Variants in AFAP1 observed in about 807,000 individuals in gnomAD.
The protein encoded by AFAP1 is actin filament-associated protein 1.
Under a neutral mutation model 93.9 loss-of-function variants are expected in AFAP1, and 75 were observed. The observed-to-expected ratio is 0.80, with a 90% CI of 0.66 to 0.97. AFAP1 has a LOEUF of 0.97. AFAP1 is among the 50% of genes least tolerant of loss of function. AFAP1 has a pLI of 0.00. For missense variants in AFAP1, 1,201 were observed against 1,050.8 expected (o/e 1.14, Z -1.98); for synonymous variants, 517 against 430.7 (o/e 1.20, Z -2.48).
Position 7,800,564 on chromosome 4 carries a change from C to T in AFAP1, c.1144G>A (p.Asp382Asn). Residue 382 changes from aspartate to asparagine, a missense_variant, in exon 10 of 18, where the codon GAC becomes AAC. Coordinates refer to ENST00000420658, the MANE Select transcript of AFAP1 (RefSeq NM_001134647.2). ...ATAGACACAATATGGGTCTTCAGGT[C>T]GGTCCTGTCCTTGTGGAAAATGAGC... ...NKLIFHKDRT[D>N]LKTHIVSIPL... The T allele has an allele frequency of 2.5e-6, 4 of 1,614,202 alleles. No individual in the cohort carries two copies. The highest frequency in any genetic ancestry group is 1.7e-5 in the Admixed American group (1 of 60,024).
chr4:7,816,155 G>C (rs1441722330), intron 7 of AFAP1, 56 bp from the exon 8 acceptor site: 1 of 1,448,270 alleles, frequency 6.9e-7, no homozygotes, highest in Non-Finnish European at 9.5e-7. Flanking sequence ...ACCCAGTGAT[G>C]TGTGATGGAT....
intron 3 of AFAP1, among the ~76,000 whole-genome samples, chr4:7,857,142 T>C (rs1449504987): frequency 6.6e-6 from 1 of 152,188 alleles, no homozygotes; most frequent in Non-Finnish European, 1.5e-5. Context: ...AAGAGGTATG[T>C]TCACAAGGAA....
chr4:7,820,842 G>A (rs549897235), intron 6 of AFAP1, among the ~76,000 whole-genome samples: 1 of 152,180 alleles, frequency 6.6e-6, no homozygotes, highest in African/African-American at 2.4e-5. Context: ...TACCAGGCCA[G>A]GCGCAGTGGC....
intron 12 of AFAP1, among the ~76,000 whole-genome samples, chr4:7,785,160 G>A (rs980969535): frequency 2.0e-5 from 3 of 152,150 alleles, no homozygotes; most frequent in African/African-American, 7.2e-5. Flanking sequence ...CACCGTGCCT[G>A]GATCAGGCAG....
In AFAP1 at chr4:7,809,768, CAA is replaced by C; in HGVS notation, c.905-7_905-6del. On this transcript the variant is annotated splice_region_variant and splice_polypyrimidine_tract_variant and intron_variant, in intron 8 of 17. Coordinates refer to ENST00000420658, the MANE Select transcript of AFAP1 (RefSeq NM_001134647.2). ...TGGAACTTTTCTTCCTCTTCACTGT[CAA>C]GAGTAACAACAGCAAAAAAGCATGT... The C allele has an allele frequency of 7.5e-6, 12 of 1,608,250 alleles. No individual in the cohort carries two copies. The highest frequency in any genetic ancestry group is 1.0e-5 in the Non-Finnish European group (12 of 1,178,234).
chr4:7,938,267 G>C (rs922147943), intron 1 of AFAP1, among the ~76,000 whole-genome samples: 3 of 152,168 alleles, frequency 2.0e-5, no homozygotes, highest in Non-Finnish European at 4.4e-5. Flanking sequence ...GCTCAGTTTT[G>C]TCTTGTATGC....
chr4:7,929,964 A>G (rs893856954), intron 1 of AFAP1, among the ~76,000 whole-genome samples: 1 of 152,222 alleles, frequency 6.6e-6, no homozygotes, highest in South Asian at 2.1e-4. Context: ...TAAAGAGGCC[A>G]TGTATGCAGC....
intron 16 of AFAP1, among the ~76,000 whole-genome samples, chr4:7,771,164 G>A (rs1164876569): frequency 6.6e-6 from 1 of 152,242 alleles, no homozygotes; most frequent in Non-Finnish European, 1.5e-5. Flanking sequence ...CCATGAAACA[G>A]GGATTCTCAC....
chr4:7,899,321 G>T (rs1577344882), intron 1 of AFAP1, among the ~76,000 whole-genome samples: 1 of 152,158 alleles, frequency 6.6e-6, no homozygotes, highest in African/African-American at 2.4e-5. Context: ...CTGGAGCCTA[G>T]CAAGTTCCTA....
At chr4:7,804,374 T>C (rs1460392217) in intron 9 of AFAP1, among the ~76,000 whole-genome samples, 1 of 152,236 alleles carries the variant, frequency 6.6e-6, no homozygotes, top group Non-Finnish European at 1.5e-5. Context: ...GGTAGGGTGT[T>C]ACTGAATTTT....
chr4:7,852,314 C>CT (rs1453640312), intron 4 of AFAP1, among the ~76,000 whole-genome samples: 7 of 152,142 alleles, frequency 4.6e-5, no homozygotes, highest in African/African-American at 1.7e-4. Flanking sequence ...CTGCACTGGT[C>CT]TAAGGGCAAG....
At chr4:7,909,737 A>C (rs866294828) in intron 1 of AFAP1, among the ~76,000 whole-genome samples, 1 of 152,168 alleles carries the variant, frequency 6.6e-6, no homozygotes, top group Non-Finnish European at 1.5e-5. Flanking sequence ...TTTTTACTGT[A>C]TATCAGAACC....
In AFAP1 at chr4:7,778,896, A is replaced by G. The variant is rs2148978343; in HGVS notation, c.1783-20T>C. ...CTTGAGCTGTTGAAATAAACATATA[A>G]GAACATTAAAAATAAACACAAAGTC... On this transcript the variant is annotated intron_variant, in intron 13 of 17. Transcript: ENST00000420658. 6.6e-7 allele frequency: 1 copy of G among 1,513,530 alleles called. No individual in the cohort carries two copies. The highest frequency in any genetic ancestry group is 2.3e-5 in the East Asian group (1 of 44,238). 93.8% of individuals were successfully genotyped at this position (1,513,530 alleles called of 1,614,324 possible).
intron 1 of AFAP1, among the ~76,000 whole-genome samples, chr4:7,906,517 T>C (rs1004518761): frequency 3.9e-5 from 6 of 152,190 alleles, no homozygotes; most frequent in Non-Finnish European, 7.3e-5. Context: ...AACCGCAGTA[T>C]CTAGGCTTCG....
chr4:7,796,741 A>C (rs1055228095), intron 10 of AFAP1, among the ~76,000 whole-genome samples: 2 of 130,570 alleles, frequency 1.5e-5, no homozygotes, highest in African/African-American at 5.8e-5. Flanking sequence ...ACAGAGTGAG[A>C]CTTGTCTCAA....
intron 8 of AFAP1, among the ~76,000 whole-genome samples, 179 bp downstream of exon 8, chr4:7,815,839 T>C (rs1720420283): frequency 6.6e-6 from 1 of 152,186 alleles, no homozygotes; most frequent in African/African-American, 2.4e-5. Flanking sequence ...GCAGGGTTGA[T>C]GTTAACCAAA....
At position 7,793,809 on chromosome 4, in the gene AFAP1, G is replaced by A; in HGVS notation, c.1284C>T (p.Asp428=). Reference sequence around the variant, plus strand: ...GTAAAATCCCAATCCACCTGCCCATGTCTTCAGAAGAAGATGCCTGTTGAA... The same window carrying A: ...GTAAAATCCCAATCCACCTGCCCATATCTTCAGAAGAAGATGCCTGTTGAA... The part of the protein sequence containing the change: ...VAVLEASSSE[D]MGRWIGILLA... The change falls in exon 11 of 18, where the codon GAC becomes GAT. Residue 428 remains aspartate (D), a synonymous_variant. Coordinates refer to ENST00000420658, the MANE Select transcript of AFAP1 (RefSeq NM_001134647.2). The A allele has an allele frequency of 1.3e-6, 2 of 1,546,142 alleles. No individual in the cohort carries two copies. Among genetic ancestry groups the A allele is most frequent in the African/African-American group, 1.3e-5 (1 of 74,098 alleles).
chr4:7,905,779 A>G (rs371926170), intron 1 of AFAP1, among the ~76,000 whole-genome samples: 5 of 152,188 alleles, frequency 3.3e-5, no homozygotes, highest in East Asian at 3.9e-4. Flanking sequence ...AAGATGATAC[A>G]ATCACAACCT....
chr4:7,764,428 G>A (rs1714263752), intron 17 of AFAP1, among the ~76,000 whole-genome samples: 1 of 152,200 alleles, frequency 6.6e-6, no homozygotes, highest in Non-Finnish European at 1.5e-5. Context: ...GGTATCAAGG[G>A]CTGGGGTGGG....
Sources: gnomAD v4.1 joint callset for allele counts (sites outside exome capture counted in the v4.1 genomes callset) on GRCh38, gnomAD v4.1.1 for gene constraint, MANE v1.5 for transcripts, NCBI Gene and HGNC (gene_info 2026-07-23, HGNC 2026-07-21) for gene names.